CDH13: variants seen among roughly 807,000 people sequenced by gnomAD.
The protein encoded by CDH13 is cadherin 13.
Under a neutral mutation model 63.8 loss-of-function variants are expected in CDH13, and 24 were observed. The ratio of observed to expected loss-of-function variants is 0.38; its 90% CI spans 0.27 to 0.53. The LOEUF (loss-of-function observed/expected upper bound fraction) is 0.53. Ranked by LOEUF, CDH13 falls within the 20% of genes least tolerant of loss-of-function variation. CDH13 has a pLI of 0.85. For missense variants in CDH13, 1,049 were observed against 903.1 expected (o/e 1.16, Z -2.07); for synonymous variants, 503 against 355.3 (o/e 1.42, Z -4.67).
chr16:83,514,376 G>C (rs1330758766), intron 7 of CDH13, among the ~76,000 whole-genome samples: 5 of 152,200 alleles, frequency 3.3e-5, no homozygotes, highest in Admixed American at 3.3e-4. Context: ...GGGTTCGGTG[G>C]CTCATGCCTG....
chr16:83,171,135 C>T (rs193237065), intron 4 of CDH13, among the ~76,000 whole-genome samples: 1 of 152,200 alleles, frequency 6.6e-6, no homozygotes, highest in East Asian at 1.9e-4. Flanking sequence ...TGGCTTCTGC[C>T]TCTGGGGAGG....
intron 6 of CDH13, among the ~76,000 whole-genome samples, chr16:83,373,354 C>G (rs970443065): frequency 1.3e-5 from 2 of 152,054 alleles, no homozygotes; most frequent in African/African-American, 4.8e-5. Flanking sequence ...TGGGTTGAAG[C>G]TAAGGAGCAG....
intron 2 of CDH13, among the ~76,000 whole-genome samples, chr16:82,895,084 G>A (rs2041207637): frequency 6.6e-6 from 1 of 152,146 alleles, no homozygotes; most frequent in African/African-American, 2.4e-5. Context: ...CTCATTTTAA[G>A]GTGAACAATT....
chr16:83,245,823 G>A (rs1192624464), intron 5 of CDH13, among the ~76,000 whole-genome samples: 2 of 151,990 alleles, frequency 1.3e-5, no homozygotes, highest in Non-Finnish European at 2.9e-5. Flanking sequence ...GCTCACTGCA[G>A]CCAAGACCTC....
intron 6 of CDH13, among the ~76,000 whole-genome samples, chr16:83,424,033 G>C: frequency 6.6e-6 from 1 of 151,960 alleles, no homozygotes; most frequent in South Asian, 2.1e-4. Flanking sequence ...GTCTAGAAGA[G>C]GGAAATCCAA....
intron 5 of CDH13, among the ~76,000 whole-genome samples, chr16:83,273,784 C>T (rs1050186999): frequency 1.3e-5 from 2 of 152,062 alleles, no homozygotes; most frequent in African/African-American, 2.4e-5. Context: ...TTTTTATTTT[C>T]GTAACTACGC....
At chr16:82,699,876 T>C (rs2030777094) in intron 1 of CDH13, among the ~76,000 whole-genome samples, 1 of 152,228 alleles carries the variant, frequency 6.6e-6, no homozygotes, top group African/African-American at 2.4e-5. Context: ...AAGGTCCACA[T>C]GGGTGACACT....
chr16:83,114,183 A>T (rs946929160), intron 3 of CDH13, among the ~76,000 whole-genome samples: 4 of 152,188 alleles, frequency 2.6e-5, no homozygotes, highest in African/African-American at 9.6e-5. Flanking sequence ...TTAGATGGTG[A>T]TTCAGATGAT....
intron 5 of CDH13, among the ~76,000 whole-genome samples, chr16:83,292,346 C>T (rs1195160000): frequency 6.6e-6 from 1 of 152,090 alleles, no homozygotes; most frequent in South Asian, 2.1e-4. Context: ...TTCTGGGCCT[C>T]CCTGTCCTCT....
chr16:83,734,289 G>A (rs1291591799), intron 10 of CDH13, among the ~76,000 whole-genome samples: 1 of 152,298 alleles, frequency 6.6e-6, no homozygotes, highest in East Asian at 1.9e-4. Flanking sequence ...TGCACAGAAA[G>A]CCAATCACTG....
At chr16:83,300,766 T>G (rs2089715364) in intron 5 of CDH13, among the ~76,000 whole-genome samples, 1 of 152,248 alleles carries the variant, frequency 6.6e-6, no homozygotes, top group African/African-American at 2.4e-5. Flanking sequence ...AGTTTATATA[T>G]GCAGGTTTAC....
At chr16:83,278,908 T>C (rs537288176) in intron 5 of CDH13, among the ~76,000 whole-genome samples, 15 of 152,308 alleles carry the variant, frequency 9.8e-5, no homozygotes, top group African/African-American at 3.4e-4. Context: ...TAATCAGTCT[T>C]ATCAGAATAA....
At chr16:83,429,331 G>A (rs2072017324) in intron 6 of CDH13, among the ~76,000 whole-genome samples, 1 of 152,128 alleles carries the variant, frequency 6.6e-6, no homozygotes, top group South Asian at 2.1e-4. Context: ...AGGTACAGGG[G>A]ACTTATGCAA....
At chr16:82,982,567 T>A (rs1023097863) in intron 2 of CDH13, among the ~76,000 whole-genome samples, 6 of 152,204 alleles carry the variant, frequency 3.9e-5, no homozygotes, top group Non-Finnish European at 5.9e-5. Flanking sequence ...CAGTTCTATG[T>A]GGAAGATTTT....
intron 7 of CDH13, among the ~76,000 whole-genome samples, chr16:83,531,585 G>A (rs1423203364): frequency 6.6e-6 from 1 of 152,142 alleles, no homozygotes; most frequent in Non-Finnish European, 1.5e-5. Flanking sequence ...AGCCAGATAT[G>A]CTCAATTATC....
At chr16:83,272,449 A>G (rs1050804208) in intron 5 of CDH13, among the ~76,000 whole-genome samples, 1 of 152,218 alleles carries the variant, frequency 6.6e-6, no homozygotes, top group Non-Finnish European at 1.5e-5. Flanking sequence ...GTTAGCACTT[A>G]CTACTTAATA....
intron 1 of CDH13, among the ~76,000 whole-genome samples, chr16:82,807,464 G>A (rs1176587111): frequency 6.6e-6 from 1 of 152,172 alleles, no homozygotes; most frequent in Non-Finnish European, 1.5e-5. Context: ...AGATCAAGGG[G>A]AAGGGTCAGA....
intron 7 of CDH13, among the ~76,000 whole-genome samples, chr16:83,489,489 G>A (rs918248634): frequency 6.6e-6 from 1 of 152,148 alleles, no homozygotes; most frequent in Non-Finnish European, 1.5e-5. Context: ...CTAAATTTAG[G>A]CAAGCTTTGG....
intron 1 of CDH13, among the ~76,000 whole-genome samples, chr16:82,841,973 T>A (rs1468439651): frequency 1.3e-5 from 2 of 151,230 alleles, no homozygotes; most frequent in Non-Finnish European, 2.9e-5. Flanking sequence ...GTCATTTATT[T>A]CTTGGGGAGC....
Sources: gnomAD v4.1 joint callset for allele counts (sites outside exome capture counted in the v4.1 genomes callset) on GRCh38, gnomAD v4.1.1 for gene constraint, MANE v1.5 for transcripts, NCBI Gene and HGNC (gene_info 2026-07-23, HGNC 2026-07-21) for gene names.